ADAMTS17: variants seen among roughly 807,000 people sequenced by gnomAD.
ADAMTS17 encodes the protein ADAM metallopeptidase with thrombospondin type 1 motif 17, also known as A disintegrin and metalloproteinase with thrombospondin motifs 17.
In ADAMTS17, 113 loss-of-function variants were observed where a neutral mutation model predicts 141.5. The ratio of observed to expected loss-of-function variants is 0.80; its 90% confidence interval spans 0.69 to 0.93. The LOEUF is 0.93. Ranked by LOEUF, ADAMTS17 falls within the 40% of genes least tolerant of loss-of-function variation. The pLI, the probability that ADAMTS17 is intolerant of heterozygous loss-of-function variation, is 0.00. For missense variants in ADAMTS17, 1,659 were observed against 1,517.9 expected (o/e 1.09, Z -1.54); for synonymous variants, 768 against 630.6 (o/e 1.22, Z -3.27).
chr15:100,163,484 A>G (rs1410502440), intron 8 of ADAMTS17, among the ~76,000 whole-genome samples: 4 of 151,914 alleles, frequency 2.6e-5, no homozygotes, highest in Admixed American at 6.6e-5. Flanking sequence ...TTGAAATCTA[A>G]ATTTTATAAT....
chr15:100,236,538 AAAAC>A (rs760089553), intron 7 of ADAMTS17, among the ~76,000 whole-genome samples: 27 of 152,190 alleles, frequency 1.8e-4, no homozygotes, highest in South Asian at 1.0e-3. Context: ...ATCTTTACAA[AAAAC>A]AAACAAACAA....
intron 14 of ADAMTS17, among the ~76,000 whole-genome samples, chr15:100,107,994 C>G (rs558243151): frequency 2.2e-4 from 33 of 152,216 alleles, no homozygotes; most frequent in African/African-American, 7.9e-4. Flanking sequence ...ACTCCCCATC[C>G]CAGCTGCTGC....
chr15:99,990,490 C>A (rs1483617745), intron 20 of ADAMTS17, among the ~76,000 whole-genome samples: 1 of 152,170 alleles, frequency 6.6e-6, no homozygotes, highest in African/African-American at 2.4e-5. Flanking sequence ...AGCCTCAGTT[C>A]TATTGCCTTG....
At chr15:100,296,574 AGGGG>A (rs142076301) in intron 3 of ADAMTS17, among the ~76,000 whole-genome samples, 512 of 149,726 alleles carry the variant, frequency 3.4e-3, no homozygotes, top group African/African-American at 5.4e-3. Context: ...GGAGGGGGTG[AGGGG>A]GGGTGTGTGT....
chr15:100,212,640 G>C (rs982315594), intron 7 of ADAMTS17, among the ~76,000 whole-genome samples: 1 of 151,910 alleles, frequency 6.6e-6, no homozygotes, highest in Non-Finnish European at 1.5e-5. Flanking sequence ...CAGACCAAAA[G>C]ATCCTGGGAA....
At chr15:100,020,878 C>G (rs150432863) in intron 18 of ADAMTS17, among the ~76,000 whole-genome samples, 3 of 151,958 alleles carry the variant, frequency 2.0e-5, no homozygotes, top group African/African-American at 7.2e-5. Context: ...ATCTTTAGTA[C>G]AGATGACAGC....
chr15:100,184,740 C>T (rs1445708423), intron 8 of ADAMTS17, among the ~76,000 whole-genome samples: 1 of 152,166 alleles, frequency 6.6e-6, no homozygotes, highest in Non-Finnish European at 1.5e-5. Context: ...ACCACCTTCC[C>T]TCCGTCCATC....
At chr15:100,112,564 C>G (rs1186617453) in intron 13 of ADAMTS17, among the ~76,000 whole-genome samples, 1 of 152,102 alleles carries the variant, frequency 6.6e-6, no homozygotes, top group Non-Finnish European at 1.5e-5. Flanking sequence ...GAACAAGACC[C>G]CAGTAAATAA....
intron 2 of ADAMTS17, among the ~76,000 whole-genome samples, chr15:100,334,606 T>C (rs2440465): frequency 0.25 from 38,532 of 151,974 alleles, 5,452 homozygotes; most frequent in African/African-American, 0.35. Context: ...GACTCTCGGG[T>C]GGGCACGCAC....
intron 18 of ADAMTS17, among the ~76,000 whole-genome samples, chr15:99,998,152 C>A (rs896686336): frequency 1.1e-4 from 17 of 152,304 alleles, no homozygotes; most frequent in Admixed American, 1.0e-3. Flanking sequence ...AAGAACCCCC[C>A]AGCCCACACC....
At chr15:100,064,615 T>C (rs1400065807) in intron 15 of ADAMTS17, among the ~76,000 whole-genome samples, 1 of 152,248 alleles carries the variant, frequency 6.6e-6, no homozygotes, top group East Asian at 1.9e-4. Context: ...GCACCGTTTC[T>C]TGCTTCCACC....
chr15:100,024,138 G>A (rs1421403834), intron 18 of ADAMTS17, among the ~76,000 whole-genome samples: 1 of 152,140 alleles, frequency 6.6e-6, no homozygotes, highest in African/African-American at 2.4e-5. Flanking sequence ...CTGTCACCCA[G>A]GCTGGAGGGC....
chr15:100,319,791 G>A (rs547416671), intron 3 of ADAMTS17, among the ~76,000 whole-genome samples: 218 of 151,992 alleles, frequency 1.4e-3, no homozygotes, highest in African/African-American at 2.5e-3. Flanking sequence ...TAGGTGGGGC[G>A]CGGTGGCTCA....
chr15:100,051,865 A>G (rs2032176330), intron 16 of ADAMTS17, 134 bp from the exon 17 acceptor site: 1 of 1,134,674 alleles, frequency 8.8e-7, no homozygotes, highest in Non-Finnish European at 1.3e-6. Flanking sequence ...GGCTGAAAAC[A>G]GGTTCCACTG....
intron 2 of ADAMTS17, among the ~76,000 whole-genome samples, chr15:100,340,770 G>A (rs1176682221): frequency 2.6e-5 from 2 of 76,440 alleles, no homozygotes; most frequent in African/African-American, 8.1e-5. Flanking sequence ...TAGAGCGGGC[G>A]GCGTATACCC....
intron 3 of ADAMTS17, among the ~76,000 whole-genome samples, chr15:100,321,666 G>A (rs921217049): frequency 2.0e-5 from 3 of 152,186 alleles, no homozygotes; most frequent in African/African-American, 7.2e-5. Context: ...TCATACACCT[G>A]TGTGCACCAA....
At chr15:100,124,094 G>A (rs560058401) in intron 12 of ADAMTS17, among the ~76,000 whole-genome samples, 4 of 152,020 alleles carry the variant, frequency 2.6e-5, no homozygotes, top group African/African-American at 9.7e-5. Context: ...CTCCTGAGTA[G>A]CTAAGATTAC....
chr15:100,283,818 G>A (rs1244117575), intron 3 of ADAMTS17, among the ~76,000 whole-genome samples: 1 of 152,154 alleles, frequency 6.6e-6, no homozygotes. Flanking sequence ...TCAAAATCCT[G>A]CACTGCACTG....
At chr15:100,288,530 A>AC (rs1175119225) in intron 3 of ADAMTS17, among the ~76,000 whole-genome samples, 1 of 152,230 alleles carries the variant, frequency 6.6e-6, no homozygotes, top group Non-Finnish European at 1.5e-5. Context: ...ACAGACAACT[A>AC]CAAAACTCTC....
Sources: allele counts gnomAD v4.1 joint callset (sites outside exome capture counted in the v4.1 genomes callset), GRCh38; gene constraint gnomAD v4.1.1; transcripts MANE v1.5; gene names NCBI Gene and HGNC (gene_info 2026-07-23, HGNC 2026-07-21).